Variants in LRRC7 observed in about 807,000 individuals in gnomAD.
LRRC7 encodes the protein leucine-rich repeat-containing protein 7.
In LRRC7, 23 loss-of-function variants were observed where a neutral mutation model predicts 175.7. The observed-to-expected ratio is 0.13, with a 90% CI of 0.09 to 0.19. The LOEUF (loss-of-function observed/expected upper bound fraction) is 0.19. Among genes scored for constraint, LRRC7 ranks in the 10% least tolerant of loss-of-function variants. LRRC7 has a pLI of 1.00. For missense variants in LRRC7, 1,354 were observed against 1,904.7 expected (o/e 0.71, Z 5.38); for synonymous variants, 685 against 680.9 (o/e 1.01, Z -0.09).
At chr1:69,755,086 A>G (rs941046519) in intron 2 of LRRC7, among the ~76,000 whole-genome samples, 6 of 151,974 alleles carry the variant, frequency 3.9e-5, no homozygotes, top group African/African-American at 1.4e-4. Context: ...AGGGACGCCA[A>G]AGGAAGAGTG....
At chr1:69,621,581 G>C (rs545363936) in intron 1 of LRRC7, among the ~76,000 whole-genome samples, 1 of 152,056 alleles carries the variant, frequency 6.6e-6, no homozygotes, top group Non-Finnish European at 1.5e-5. Context: ...AATCACATGC[G>C]ATCTCTTTAC....
intron 2 of LRRC7, among the ~76,000 whole-genome samples, chr1:69,723,644 C>T (rs1167237818): frequency 2.0e-5 from 3 of 151,976 alleles, no homozygotes; most frequent in African/African-American, 7.3e-5. Flanking sequence ...TATCTTAGTC[C>T]TTTTGGGTTG....
chr1:69,770,250 G>A (rs999687315), intron 3 of LRRC7, among the ~76,000 whole-genome samples: 2 of 152,106 alleles, frequency 1.3e-5, no homozygotes, highest in African/African-American at 4.8e-5. Flanking sequence ...CAAAAATAAA[G>A]CATCCTCTAA....
rs1258666842 is a variant in LRRC7 at position 70,142,020 on chromosome 1, A to G, written c.*20133A>G. On this transcript the variant is annotated 3_prime_UTR_variant, in exon 27 of 27. Coordinates refer to ENST00000651989, the MANE Select transcript of LRRC7 (RefSeq NM_001370785.2). ...TCCTCTTACCCTTCCCCAACCCTCT[A>G]CTAAAGAATATTTCTTATTTAGTCA... The G allele has an allele frequency of 1.3e-5, 2 of 152,054 alleles. No individual in the cohort carries two copies. The highest frequency in any genetic ancestry group is 2.9e-5 in the Non-Finnish European group (2 of 67,960). The allele number at this position is 152,054 out of a possible 1,614,324, so 9.4% of individuals were successfully genotyped here. A position where few individuals can be genotyped will look rare whatever the true frequency, so the allele number is the denominator to read the frequency against.
intron 7 of LRRC7, among the ~76,000 whole-genome samples, chr1:69,904,474 GA>G (rs1194999339): frequency 1.3e-5 from 2 of 151,970 alleles, no homozygotes; most frequent in African/African-American, 2.4e-5. Context: ...CATGCAAATG[GA>G]AACCTAGAAT....
chr1:69,662,396 A>G (rs1477156935), intron 1 of LRRC7, among the ~76,000 whole-genome samples: 2 of 152,210 alleles, frequency 1.3e-5, no homozygotes, highest in Admixed American at 1.3e-4. Flanking sequence ...TAAAGTGAGA[A>G]TAATGTACTA....
rs1381272355 is a variant in LRRC7, at chr1:70,138,170, A to T, written c.*16283A>T. 6.6e-6 allele frequency: 1 copy of T among 152,180 alleles called. No homozygotes were observed. The highest frequency in any genetic ancestry group is 1.5e-5 in the Non-Finnish European group (1 of 68,030). The allele number at this position is 152,180 out of a possible 1,614,324, so 9.4% of individuals were successfully genotyped here. A position where few individuals can be genotyped will look rare whatever the true frequency, so the allele number is the denominator to read the frequency against. On this transcript the variant is annotated 3_prime_UTR_variant, in exon 27 of 27. Transcript: ENST00000651989. ...TGAATTGATTAAAAATATGTGATGG[A>T]TTGTGCAGCATGCTTACATTTGAAA...
intron 24 of LRRC7, among the ~76,000 whole-genome samples, chr1:70,077,293 A>T (rs1571256641): frequency 6.6e-6 from 1 of 152,152 alleles, no homozygotes; most frequent in Admixed American, 6.5e-5. Context: ...TCTCAGAATC[A>T]TAGGTGCATT....
chr1:70,020,879 T>C, intron 15 of LRRC7, 126 bp from the exon 16 acceptor site: 5 of 653,696 alleles, frequency 7.6e-6, no homozygotes. Context: ...CTTTCTTTTT[T>C]TCTTTCTTTC....
Position 70,039,784 on chromosome 1 carries a change from G to A in LRRC7, c.3960G>A (p.Arg1320=), listed in dbSNP as rs146438993. 5.7e-6 allele frequency: 9 copies of A among 1,590,104 alleles called. No homozygotes were observed. The African/African-American group carries it at 1.1e-4, about 19-fold the overall frequency. The change falls in exon 21 of 27, where the codon CGG becomes CGA. Residue 1320 remains arginine (R), a synonymous_variant. Coordinates refer to ENST00000651989, the MANE Select transcript of LRRC7 (RefSeq NM_001370785.2). ...TGCTTAGACATATAGAAGCTAGACG[G>A]TTAGACAGGGTATGTCTGGTGTTTC... ...QQLLRHIEAR[R]LDRNAAYKHN... is the part of the protein sequence containing the mutation.
chr1:69,901,397 T>C (rs1646130932), intron 7 of LRRC7, among the ~76,000 whole-genome samples: 1 of 152,226 alleles, frequency 6.6e-6, no homozygotes, highest in Non-Finnish European at 1.5e-5. Context: ...CTCATTAAAA[T>C]AGCAAATAGA....
chr1:70,111,078 C>A (rs905349447), intron 26 of LRRC7, among the ~76,000 whole-genome samples: 1 of 152,008 alleles, frequency 6.6e-6, no homozygotes, highest in African/African-American at 2.4e-5. Flanking sequence ...AAAGAATGGC[C>A]CTCCCTAAGT....
At chr1:69,996,924 A>T (rs1258551490) in intron 11 of LRRC7, among the ~76,000 whole-genome samples, 1 of 152,136 alleles carries the variant, frequency 6.6e-6, no homozygotes, top group Non-Finnish European at 1.5e-5. Context: ...AGTTTTTTCC[A>T]ATTCTGTGAA....
intron 2 of LRRC7, among the ~76,000 whole-genome samples, chr1:69,731,379 T>C (rs1667564272): frequency 6.6e-6 from 1 of 152,020 alleles, no homozygotes; most frequent in African/African-American, 2.4e-5. Context: ...ATGATTCAAT[T>C]ACCTCCCACC....
chr1:69,711,440 A>G (rs1040653358), intron 2 of LRRC7, among the ~76,000 whole-genome samples: 1 of 152,184 alleles, frequency 6.6e-6, no homozygotes, highest in African/African-American at 2.4e-5. Flanking sequence ...AGCCAATTCA[A>G]TATCTGTTTC....
At chr1:69,928,679 G>C (rs1163693245) in intron 7 of LRRC7, among the ~76,000 whole-genome samples, 1 of 152,322 alleles carries the variant, frequency 6.6e-6, no homozygotes, top group South Asian at 2.1e-4. Flanking sequence ...TATTAGGGTG[G>C]GAGTGACCCG....
intron 5 of LRRC7, among the ~76,000 whole-genome samples, chr1:69,832,068 G>A (rs907076676): frequency 5.9e-5 from 9 of 152,108 alleles, no homozygotes; most frequent in Non-Finnish European, 1.2e-4. Context: ...TTCCCCAGAA[G>A]CAGACGTTTA....
At chr1:69,797,516 A>T (rs764800344) in intron 4 of LRRC7, among the ~76,000 whole-genome samples, 3 of 152,072 alleles carry the variant, frequency 2.0e-5, no homozygotes, top group Non-Finnish European at 4.4e-5. Context: ...CAAAGCAAAA[A>T]TTCATTCTCT....
chr1:69,660,892 G>C (rs1254870947), intron 1 of LRRC7, among the ~76,000 whole-genome samples: 1 of 152,026 alleles, frequency 6.6e-6, no homozygotes, highest in Non-Finnish European at 1.5e-5. Context: ...TAGATAATGA[G>C]GGAGACGGAT....
Sources: gnomAD v4.1 joint callset for allele counts (sites outside exome capture counted in the v4.1 genomes callset) on GRCh38, gnomAD v4.1.1 for gene constraint, MANE v1.5 for transcripts, NCBI Gene and HGNC (gene_info 2026-07-23, HGNC 2026-07-21) for gene names.